The following CORO1A variants were observed in gnomAD, a reference collection of about 807,000 sequenced individuals.
CORO1A encodes the protein coronin-1A.
Under a neutral mutation model 44.1 loss-of-function variants are expected in CORO1A, and 17 were observed. The ratio of observed to expected loss-of-function variants is 0.39; its 90% CI spans 0.26 to 0.58. The LOEUF is 0.58. Ranked by LOEUF, CORO1A falls within the 20% of genes least tolerant of loss-of-function variation. CORO1A has a pLI of 0.62. For missense variants in CORO1A, 415 were observed against 606.5 expected, an observed-to-expected ratio of 0.68 and a Z score of 3.32; for synonymous variants, 271 against 244.2, an observed-to-expected ratio of 1.11 and a Z score of -1.02.
intron 6 of CORO1A, 112 bp downstream of exon 6, chr16:30,187,613 A>G: frequency 1.3e-6 from 2 of 1,501,624 alleles, no homozygotes; most frequent in Non-Finnish European, 1.8e-6. Context: ...CAGTTTACCC[A>G]GGCGTGAGAT....
chr16:30,187,865 G>GCCCGGGGGC, intron 7 of CORO1A, 36 bp downstream of exon 7: 1 of 513,368 alleles, frequency 1.9e-6, no homozygotes, highest in Non-Finnish European at 3.6e-6. Context: ...TGGGAGGTGG[G>GCCCGGGGGC]CAGGATGGGC....
chr16:30,186,924 C>T lies in CORO1A; in HGVS notation c.430C>T (p.Gln144Ter). 2 of 1,612,806 alleles carry T rather than the reference C, an allele frequency of 1.2e-6. No homozygotes were observed. Among genetic ancestry groups the T allele is most frequent in the Non-Finnish European group, 1.7e-6 (2 of 1,179,988 alleles). Reference sequence around the variant, plus strand: ...CATTGTGGCCTGGCACACCACAGCCCAGAACGTGCTGCTCAGTGCAGGTGC... The same window carrying T: ...CATTGTGGCCTGGCACACCACAGCCTAGAACGTGCTGCTCAGTGCAGGTGC... Reference protein sequence around the residue: ...VGIVAWHTTAQNVLLSAGCDN... With the variant: ...VGIVAWHTTA The change falls in exon 4 of 11, where the codon CAG becomes TAG. Residue 144 changes from glutamine (Q) to a stop codon, truncating the protein, a stop_gained. Transcript: ENST00000219150. LOFTEE classifies it high-confidence loss of function.
At position 30,186,809 on chromosome 16, in the gene CORO1A, T is replaced by A; in HGVS notation, c.322-7T>A. 4 of 1,610,202 alleles carry A rather than the reference T, an allele frequency of 2.5e-6. No individual in the cohort carries two copies. The Middle Eastern group carries it at 6.6e-4, about 267-fold the overall frequency. On this transcript the variant is annotated splice_polypyrimidine_tract_variant and splice_region_variant and intron_variant, in intron 3 of 10. Transcript: ENST00000219150. The stretch of plus-strand genomic sequence containing the variant: ...GTCCTGAAGACTCACTGGCCCCTCC[T>A]CTGCAGGTGTGGGAGATCCCAGATG...
At chr16:30,186,540 G>C in intron 2 of CORO1A, 58 bp from the exon 3 acceptor site, 1 of 1,605,944 alleles carries the variant, frequency 6.2e-7, no homozygotes, top group African/African-American at 1.3e-5. Context: ...GGAGGTGTGG[G>C]GAGGTTGGAT....
chr16:30,188,127 G>T, intron 8 of CORO1A, 40 bp downstream of exon 8: 1 of 1,613,810 alleles, frequency 6.2e-7, no homozygotes, highest in Non-Finnish European at 8.5e-7. Flanking sequence ...TGCTCCTTGG[G>T]CAGTGGGCAG....
At chr16:30,185,562 C>T in intron 2 of CORO1A, 155 bp downstream of exon 2, 2 of 656,022 alleles carry the variant, frequency 3.0e-6, no homozygotes, top group Admixed American at 2.8e-5. Context: ...TCCTCCAGCT[C>T]CTCTGTGCTG....
Position 30,188,363 on chromosome 16 carries a change from G to C in CORO1A, c.1068G>C (p.Ser356=). The C allele has an allele frequency of 6.2e-7, 1 of 1,613,866 alleles. No homozygotes were observed. Among genetic ancestry groups the C allele is most frequent in the South Asian group, 1.1e-5 (1 of 91,076 alleles). ...ACTATCCCTGGCCTTGCCCACAGTC[G>C]GACCTGTTCCAGGAGGACCTGTACC... ...EPIAMTVPRK[S]DLFQEDLYPP... is the part of the protein sequence containing the mutation. Residue 356 remains serine (S), a splice_region_variant and synonymous_variant, in exon 10 of 11, where the codon TCG becomes TCC. Coordinates refer to ENST00000219150, the MANE Select transcript of CORO1A (RefSeq NM_007074.4).
At chr16:30,187,649 G>C in intron 6 of CORO1A, 76 bp from the exon 7 acceptor site, 1 of 1,472,584 alleles carries the variant, frequency 6.8e-7, no homozygotes, top group South Asian at 1.1e-5. Context: ...TTGGTCGGGA[G>C]GGCCCTCACA....
Position 30,184,607 on chromosome 16 carries a change from A to T in CORO1A, c.-1-602A>T. 1 of 168,288 alleles carries T rather than the reference A, an allele frequency of 5.9e-6. No homozygotes were observed. The highest frequency in any genetic ancestry group is 2.4e-5 in the African/African-American group (1 of 41,538). 10.4% of individuals were successfully genotyped at this position (168,288 alleles called of 1,614,324 possible). A position where few individuals can be genotyped will look rare whatever the true frequency, so the allele number is the denominator to read the frequency against. On this transcript the variant is annotated intron_variant, in intron 1 of 10. Coordinates refer to ENST00000219150, the MANE Select transcript of CORO1A (RefSeq NM_007074.4). The surrounding 1 kb of genome is among the most constrained non-coding windows in gnomAD (Gnocchi z 4.3). Reference sequence around the variant, plus strand: ...ACCTGCTTTTCTGAGCGGAGGCGAGAGGCAGAGGTATGGGGAGGAGGAGAT... The same window carrying T: ...ACCTGCTTTTCTGAGCGGAGGCGAGTGGCAGAGGTATGGGGAGGAGGAGAT...
In CORO1A at chr16:30,183,886, C is replaced by CT. The variant is rs1473917857; in HGVS notation, c.-2+163dup. 2 of 151,826 alleles carry CT rather than the reference C, an allele frequency of 1.3e-5. No homozygotes were observed. The highest frequency in any genetic ancestry group is 3.9e-4 in the East Asian group (2 of 5,138). 9.4% of individuals were successfully genotyped at this position (151,826 alleles called of 1,614,324 possible). A position where few individuals can be genotyped will look rare whatever the true frequency, so the allele number is the denominator to read the frequency against. On this transcript the variant is annotated intron_variant, in intron 1 of 10. Coordinates refer to ENST00000219150, the MANE Select transcript of CORO1A (RefSeq NM_007074.4). This position sits in a 1 kb window ranked among gnomAD's most constrained non-coding sequence, Gnocchi z 5.0. ...CGCAGCAGCCCGTGGGGGGACGCTG[C>CT]TTGGAGTGGGGGCCGCCGGGGCCCC...
In CORO1A at chr16:30,187,728, C is replaced by T. The variant is rs1196294081; in HGVS notation, c.760C>T (p.His254Tyr). 4 of 1,609,936 alleles carry T rather than the reference C, an allele frequency of 2.5e-6. No individual in the cohort carries two copies. In the East Asian group the frequency reaches 6.7e-5, roughly 27 times the overall value. The change falls in exon 7 of 11, where the codon CAC becomes TAC. Residue 254 changes from histidine (H) to tyrosine (Y), a missense_variant. By Grantham distance (83) the His-to-Tyr change is moderately conservative. This residue lies in a region of CORO1A where 325 missense variants were observed against 521.7 expected (regional missense o/e 0.62). Transcript: ENST00000219150. Reference protein sequence around the residue: ...ERQVALWDTKHLEEPLSLQEL... With the variant: ...ERQVALWDTKYLEEPLSLQEL... ...TACCTCTCACCTGTGTCTACAGAAG[C>T]ACCTGGAGGAGCCGCTGTCCCTGCA...
chr16:30,185,475 T>A (rs2073323644), intron 2 of CORO1A, 68 bp downstream of exon 2: 1 of 1,438,076 alleles, frequency 7.0e-7, no homozygotes, highest in Non-Finnish European at 9.6e-7. Context: ...AGGTCCTGAT[T>A]AGGTGACGGT....
At position 30,185,162 on chromosome 16, in the gene CORO1A, C is replaced by G. The variant is rs1273545395; in HGVS notation, c.-1-47C>G. The G allele has an allele frequency of 5.0e-6, 8 of 1,591,970 alleles. No homozygotes were observed. The South Asian group carries it at 7.7e-5, about 15-fold the overall frequency. ...GGGGAGGTGGGGACCACTGGAAGAT[C>G]AGAGTTGACCTGAAGGGAGAAATGC... On this transcript the variant is annotated intron_variant, in intron 1 of 10. Transcript: ENST00000219150.
intron 2 of CORO1A, chr16:30,185,812 G>C: frequency 3.8e-6 from 1 of 262,764 alleles, no homozygotes; most frequent in Non-Finnish European, 7.5e-6. Context: ...CTGTCCCCCA[G>C]CTCGCAGGCA....
At position 30,185,275 on chromosome 16, in the gene CORO1A, C is replaced by T. The variant is rs1160609429; in HGVS notation, c.66C>T (p.Asp22=). 1.2e-6 allele frequency: 2 copies of T among 1,614,222 alleles called. No homozygotes were observed. The highest frequency in any genetic ancestry group is 1.7e-6 in the Non-Finnish European group (2 of 1,180,036). ...RHVFGQPAKA[D]QCYEDVRVSQ... is the part of the protein sequence containing the mutation. ...TGTTTGGACAGCCGGCCAAGGCCGA[C>T]CAGTGCTATGAAGATGTGCGCGTCT... The change falls in exon 2 of 11, where the codon GAC becomes GAT. Residue 22 remains aspartate (D), a synonymous_variant. Coordinates refer to ENST00000219150, the MANE Select transcript of CORO1A (RefSeq NM_007074.4).
rs1344394914 is a variant in CORO1A, at chr16:30,188,307, T to TG, written c.1066-48dup. On this transcript the variant is annotated intron_variant, in intron 9 of 10. Coordinates refer to ENST00000219150, the MANE Select transcript of CORO1A (RefSeq NM_007074.4). ...GCTGGGCACTGACTTTGCGGTCTTG[T>TG]GGGGGGTGTCCTGGCATAAGCGCTT... The TG allele has an allele frequency of 3.1e-6, 5 of 1,612,056 alleles. No homozygotes were observed. The East Asian group carries it at 6.7e-5, about 22-fold the overall frequency.
chr16:30,187,638 G>C, intron 6 of CORO1A, 87 bp from the exon 7 acceptor site: 1 of 1,484,462 alleles, frequency 6.7e-7, no homozygotes, highest in East Asian at 2.3e-5. Flanking sequence ...GTTCCCACTG[G>C]TTGGTCGGGA....
At chr16:30,188,839 A>G (rs893553073) in intron 10 of CORO1A, 21 bp from the exon 11 acceptor site, 2 of 432,018 alleles carry the variant, frequency 4.6e-6, no homozygotes, top group Non-Finnish European at 7.9e-6. Flanking sequence ...AGCTGGGCCT[A>G]ATGCAGCACC....
At chr16:30,186,762 A>G in intron 3 of CORO1A, 42 bp downstream of exon 3, 1 of 1,609,582 alleles carries the variant, frequency 6.2e-7, no homozygotes, top group South Asian at 1.1e-5. Flanking sequence ...GAGGGGCTCT[A>G]GGATGGGATC....
Sources: gnomAD v4.1 joint callset for allele counts on GRCh38, gnomAD v4.1.1 for gene constraint, gnomAD v4.1.1 regional missense constraint, Gnocchi (gnomAD v3.1) non-coding constraint, MANE v1.5 for transcripts, NCBI Gene and HGNC (gene_info 2026-07-23, HGNC 2026-07-21) for gene names.